The following LAMA2 variants were observed in gnomAD, a reference collection of about 807,000 sequenced individuals.
LAMA2 encodes the protein laminin subunit alpha 2.
A neutral mutation model predicts 364.8 loss-of-function variants in LAMA2; 269 were observed. The observed-to-expected ratio is 0.74, with a 90% CI of 0.67 to 0.82. The LOEUF is 0.82. Ranked by LOEUF, LAMA2 falls within the 40% of genes least tolerant of loss-of-function variation. LAMA2 has a pLI of 0.00. For missense variants in LAMA2, 3,807 were observed against 3,873.2 expected (o/e 0.98, Z 0.45); for synonymous variants, 1,379 against 1,370.6 (o/e 1.01, Z -0.14).
chr6:129,190,103 T>TA, intron 10 of LAMA2, 102 bp from the exon 11 acceptor site: 1 of 1,169,952 alleles, frequency 8.5e-7, no homozygotes, highest in Non-Finnish European at 1.3e-6. Flanking sequence ...GTTGAGAGGG[T>TA]AAAATGAAGA....
chr6:129,295,816 T>TAA (rs397821306), intron 20 of LAMA2, among the ~76,000 whole-genome samples: 1 of 151,108 alleles, frequency 6.6e-6, no homozygotes. Flanking sequence ...TGTATATATA[T>TAA]GTGTTTATAC....
intron 12 of LAMA2, among the ~76,000 whole-genome samples, chr6:129,224,764 A>G (rs532315082): frequency 1.1e-4 from 17 of 152,106 alleles, no homozygotes; most frequent in Non-Finnish European, 2.2e-4. Context: ...TTTTGCATTG[A>G]TGTTCATCAG....
Position 129,291,690 on chromosome 6 carries a change from C to A in LAMA2, c.2826C>A (p.Asn942Lys), listed in dbSNP as rs1231876985. 1.2e-6 allele frequency: 2 copies of A among 1,613,624 alleles called. No individual in the cohort carries two copies. Among genetic ancestry groups the A allele is most frequent in the Non-Finnish European group, 1.7e-6 (2 of 1,179,652 alleles). Residue 942 changes from asparagine (N) to lysine (K), a missense_variant, in exon 20 of 65, where the codon AAC (asparagine) becomes AAA (lysine). This residue lies in a region of LAMA2 where 3,333 missense variants were observed against 3,345.7 expected (regional missense o/e 1.00). Coordinates refer to ENST00000421865, the MANE Select transcript of LAMA2 (RefSeq NM_000426.4). ...SQTGQCECRA[N>K]VQGQRCDKCK... ...CTGGACAGTGTGAGTGCAGAGCCAA[C>A]GTTCAGGGTCAGAGATGTGACAAAT...
Position 129,427,764 on chromosome 6 carries a change from C to T in LAMA2, c.5878C>T (p.Arg1960Trp), listed in dbSNP as rs1009266672. Residue 1960 changes from arginine to tryptophan, a missense_variant, in exon 41 of 65, where the codon CGG becomes TGG. By Grantham distance (101) the Arg-to-Trp change is moderately radical. Around this residue, in one of 3 missense-constraint regions of LAMA2, gnomAD observed 3,333 missense variants for 3,345.7 expected, o/e 1.00. Transcript: ENST00000421865. Reference sequence around the variant, plus strand: ...TTTCTGTCCACAGGCAACAGGTCCTCGGGGTTTATTAAAGGAAGATGCCAA... The same window carrying T: ...TTTCTGTCCACAGGCAACAGGTCCTTGGGGTTTATTAAAGGAAGATGCCAA... ...HEATKLATGP[R>W]GLLKEDAKGC... 8.7e-6 allele frequency: 14 copies of T among 1,612,860 alleles called. No individual in the cohort carries two copies. In the South Asian group the frequency reaches 9.9e-5, roughly 11 times the overall value.
intron 4 of LAMA2, among the ~76,000 whole-genome samples, chr6:129,108,530 G>T (rs1775962808): frequency 6.6e-6 from 1 of 151,924 alleles, no homozygotes; most frequent in South Asian, 2.1e-4. Flanking sequence ...TTTAGAGAAG[G>T]CTTGTATTCC....
intron 12 of LAMA2, among the ~76,000 whole-genome samples, chr6:129,239,594 C>G (rs1198911012): frequency 6.6e-6 from 1 of 152,090 alleles, no homozygotes; most frequent in Admixed American, 6.5e-5. Flanking sequence ...TTTCTATCAC[C>G]CCAGACAGGT....
intron 12 of LAMA2, among the ~76,000 whole-genome samples, chr6:129,201,330 A>G (rs1369724909): frequency 6.6e-6 from 1 of 152,232 alleles, no homozygotes; most frequent in East Asian, 1.9e-4. Context: ...ATACAAGGGA[A>G]GAGGAACCTG....
chr6:129,088,736 G>A (rs1034022166), intron 3 of LAMA2, among the ~76,000 whole-genome samples: 1 of 151,806 alleles, frequency 6.6e-6, no homozygotes, highest in African/African-American at 2.4e-5. Context: ...GGGCAGAGGG[G>A]CTCCTCACTT....
chr6:129,485,414 C>A (rs979519736), intron 55 of LAMA2, among the ~76,000 whole-genome samples: 1 of 152,128 alleles, frequency 6.6e-6, no homozygotes, highest in African/African-American at 2.4e-5. Context: ...TAACTCATAT[C>A]TACTTTATAA....
At chr6:129,442,222 A>G in intron 43 of LAMA2, 1 of 1,319,186 alleles carries the variant, frequency 7.6e-7, no homozygotes, top group Non-Finnish European at 1.0e-6. Flanking sequence ...TCCTAGCCTC[A>G]AATCAAATCC....
intron 27 of LAMA2, among the ~76,000 whole-genome samples, chr6:129,317,580 A>T (rs1251964972): frequency 6.6e-6 from 1 of 150,730 alleles, no homozygotes; most frequent in Non-Finnish European, 1.5e-5. Flanking sequence ...ATAACAGGAG[A>T]TTATTTTTAT....
chr6:129,346,587 TA>T (rs1250437828), intron 30 of LAMA2, among the ~76,000 whole-genome samples: 2 of 150,862 alleles, frequency 1.3e-5, no homozygotes, highest in African/African-American at 5.0e-5. Flanking sequence ...CACAGAATTG[TA>T]AATTCTTTGA....
At chr6:128,930,948 T>C (rs1383625608) in intron 1 of LAMA2, among the ~76,000 whole-genome samples, 4 of 152,162 alleles carry the variant, frequency 2.6e-5, no homozygotes, top group African/African-American at 9.7e-5. Flanking sequence ...TCTAAGATGC[T>C]CTCTGCTAGT....
chr6:129,401,449 A>T, intron 38 of LAMA2, 109 bp downstream of exon 38: 1 of 791,720 alleles, frequency 1.3e-6, no homozygotes, highest in East Asian at 2.5e-5. Flanking sequence ...TGTGGAGATA[A>T]AATTATTTTT....
chr6:129,222,100 T>C (rs911081987), intron 12 of LAMA2, among the ~76,000 whole-genome samples: 8 of 152,208 alleles, frequency 5.3e-5, no homozygotes, highest in African/African-American at 1.7e-4. Flanking sequence ...GAGGATTGTA[T>C]AGATAGTTGC....
intron 1 of LAMA2, among the ~76,000 whole-genome samples, chr6:128,965,168 A>G (rs1036161127): frequency 2.6e-5 from 4 of 152,142 alleles, no homozygotes; most frequent in Admixed American, 2.0e-4. Context: ...CTCCAAATAT[A>G]TATATTTTGG....
At chr6:129,363,487 G>A (rs778967353) in intron 32 of LAMA2, among the ~76,000 whole-genome samples, 4 of 152,166 alleles carry the variant, frequency 2.6e-5, no homozygotes, top group Non-Finnish European at 5.9e-5. Flanking sequence ...ACATTCTAAT[G>A]TGCAGAGATA....
intron 1 of LAMA2, among the ~76,000 whole-genome samples, chr6:128,902,952 T>C (rs1470065117): frequency 6.6e-6 from 1 of 152,216 alleles, no homozygotes; most frequent in African/African-American, 2.4e-5. Flanking sequence ...TAACTCATTT[T>C]TGCATTCTAT....
At chr6:129,447,928 C>T (rs9375626) in intron 45 of LAMA2, among the ~76,000 whole-genome samples, 23,254 of 152,018 alleles carry the variant, frequency 0.15, 1,893 homozygotes, top group East Asian at 0.21. Flanking sequence ...GTGCTTTTCC[C>T]CTCCTCACAA....
Sources: gnomAD v4.1 joint callset for allele counts (sites outside exome capture counted in the v4.1 genomes callset) on GRCh38, gnomAD v4.1.1 for gene constraint, gnomAD v4.1.1 regional missense constraint, MANE v1.5 for transcripts, NCBI Gene and HGNC (gene_info 2026-07-23, HGNC 2026-07-21) for gene names.